The following CNTNAP2 variants were observed in gnomAD, a reference collection of about 807,000 sequenced individuals.
CNTNAP2 encodes contactin-associated protein-like 2.
CNTNAP2 carries 98 observed loss-of-function variants against 155.2 expected under a neutral mutation model. The ratio of observed to expected loss-of-function variants is 0.63; its 90% CI spans 0.54 to 0.75. The LOEUF (loss-of-function observed/expected upper bound fraction) is 0.75, where lower values mean the gene tolerates loss of function less well. Ranked by LOEUF, CNTNAP2 falls within the 30% of genes least tolerant of loss-of-function variation. The pLI, the probability that CNTNAP2 is intolerant of heterozygous loss-of-function variation, is 0.00. For missense variants in CNTNAP2, 1,727 were observed against 1,688.1 expected, an observed-to-expected ratio of 1.02 and a Z score of -0.40; for synonymous variants, 651 against 631.2, an observed-to-expected ratio of 1.03 and a Z score of -0.47.
At chr7:147,174,772 T>C (rs28593548) in intron 8 of CNTNAP2, among the ~76,000 whole-genome samples, 9,795 of 152,230 alleles carry the variant, frequency 0.064, 370 homozygotes, top group African/African-American at 0.088. Flanking sequence ...TGATAATTAA[T>C]ATTGTATTTT....
intron 1 of CNTNAP2, among the ~76,000 whole-genome samples, chr7:146,337,011 A>G (rs1322918834): frequency 6.6e-6 from 1 of 152,176 alleles, no homozygotes; most frequent in Non-Finnish European, 1.5e-5. Flanking sequence ...TACCTTACAC[A>G]TGTGATTAAC....
chr7:146,363,267 A>G (rs1036025563), intron 1 of CNTNAP2, among the ~76,000 whole-genome samples: 1 of 152,218 alleles, frequency 6.6e-6, no homozygotes, highest in East Asian at 1.9e-4. Flanking sequence ...CCAGGATTCA[A>G]GGCTGGGCAG....
chr7:146,685,372 CAG>C (rs1288967821), intron 1 of CNTNAP2, among the ~76,000 whole-genome samples: 7 of 152,114 alleles, frequency 4.6e-5, no homozygotes, highest in African/African-American at 1.7e-4. Context: ...ACATGCATCT[CAG>C]ATTACTGAAT....
intron 16 of CNTNAP2, among the ~76,000 whole-genome samples, chr7:148,140,845 GC>G (rs887509223): frequency 1.3e-5 from 2 of 152,218 alleles, no homozygotes; most frequent in African/African-American, 4.8e-5. Flanking sequence ...CATCCCAAGG[GC>G]TTAGATATTA....
intron 1 of CNTNAP2, among the ~76,000 whole-genome samples, chr7:146,744,227 C>CAAAAAAAAAAAA (rs60606492): frequency 2.1e-5 from 1 of 48,156 alleles, no homozygotes; most frequent in African/African-American, 7.1e-5. Flanking sequence ...CACTCTGTCT[C>CAAAAAAAAAAAA]AAAAAAAAAA....
At chr7:146,897,362 T>G (rs1243585353) in intron 3 of CNTNAP2, among the ~76,000 whole-genome samples, 2 of 152,106 alleles carry the variant, frequency 1.3e-5, no homozygotes, top group Non-Finnish European at 1.5e-5. Context: ...TTCTGGTGCT[T>G]TAGGAAAATC....
chr7:146,356,735 A>G (rs551590531), intron 1 of CNTNAP2, among the ~76,000 whole-genome samples: 1 of 152,310 alleles, frequency 6.6e-6, no homozygotes, highest in African/African-American at 2.4e-5. Flanking sequence ...GAAGTGGATC[A>G]TGGTTTCATG....
At chr7:146,740,846 G>A (rs1801699727) in intron 1 of CNTNAP2, among the ~76,000 whole-genome samples, 1 of 152,212 alleles carries the variant, frequency 6.6e-6, no homozygotes, top group Non-Finnish European at 1.5e-5. Context: ...CAAAGCCTGG[G>A]ACCACTGATG....
chr7:146,448,694 T>C (rs1232781004), intron 1 of CNTNAP2, among the ~76,000 whole-genome samples: 1 of 152,122 alleles, frequency 6.6e-6, no homozygotes, highest in East Asian at 1.9e-4. Context: ...CAAACTAGCA[T>C]AATAAATGGA....
intron 10 of CNTNAP2, among the ~76,000 whole-genome samples, chr7:147,405,119 TTAAAG>T (rs1434587233): frequency 1.3e-5 from 2 of 152,170 alleles, no homozygotes; most frequent in Admixed American, 6.5e-5. Context: ...GCTTAGTGCA[TTAAAG>T]TAATGTCAGA....
chr7:148,129,786 G>T (rs530636196), intron 16 of CNTNAP2, among the ~76,000 whole-genome samples: 4 of 152,268 alleles, frequency 2.6e-5, no homozygotes, highest in Admixed American at 1.3e-4. Flanking sequence ...TGAACAATTC[G>T]GCAAACCTGC....
At position 147,388,960 on chromosome 7, in the gene CNTNAP2, A is replaced by T. The variant is rs180946280; in HGVS notation, c.1499-6649A>T. On this transcript the variant is annotated intron_variant, in intron 9 of 23. Transcript: ENST00000361727. The stretch of plus-strand genomic sequence containing the variant: ...ATGTATTTACTTATTTGCCCAATCA[A>T]CCTGTACTGTAACCAATCTCCCAGC... Among the ~76,000 whole-genome samples, 5 of 152,204 alleles carry T rather than the reference A, an allele frequency of 3.3e-5. No individual in the cohort carries two copies. The East Asian group carries it at 9.7e-4, about 29-fold the overall frequency.
At chr7:147,855,039 CTT>C (rs1488545990) in intron 13 of CNTNAP2, among the ~76,000 whole-genome samples, 2 of 152,234 alleles carry the variant, frequency 1.3e-5, no homozygotes, top group Non-Finnish European at 2.9e-5. Flanking sequence ...CGAAAATTGA[CTT>C]TTAAAAATTC....
intron 1 of CNTNAP2, among the ~76,000 whole-genome samples, chr7:146,713,947 T>C (rs344477): frequency 0.05 from 7,572 of 152,192 alleles, 283 homozygotes; most frequent in African/African-American, 0.1. Flanking sequence ...ATATAAAAAG[T>C]AAGGTGGTTA....
chr7:147,082,382 C>A (rs1196535901), intron 4 of CNTNAP2, among the ~76,000 whole-genome samples: 1 of 152,128 alleles, frequency 6.6e-6, no homozygotes, highest in Non-Finnish European at 1.5e-5. Flanking sequence ...AGAACAGAGC[C>A]AAAATGGGCT....
At chr7:148,248,837 ACAG>A (rs1796319516) in intron 20 of CNTNAP2, among the ~76,000 whole-genome samples, 1 of 152,208 alleles carries the variant, frequency 6.6e-6, no homozygotes, top group South Asian at 2.1e-4. Context: ...CTCTAGGAAG[ACAG>A]CAGAATTCCA....
chr7:147,880,366 G>A (rs1399640110), intron 13 of CNTNAP2, among the ~76,000 whole-genome samples: 3 of 152,218 alleles, frequency 2.0e-5, no homozygotes. Flanking sequence ...ATGTAGATGA[G>A]ACAGTCATGA....
rs776205287 is a variant in CNTNAP2 at position 148,415,528 on chromosome 7, C to T, written c.3908C>T (p.Ser1303Leu). The change falls in exon 24 of 24, where the codon TCG becomes TTG. Residue 1303 changes from serine to leucine, a missense_variant. Transcript: ENST00000361727. ...ACCAACGAAGCAAAGGGGGCGGAGT[C>T]GGCAGAGAGCGCGGACGCCGCCATC... ...YHTNEAKGAE[S>L]AESADAAIMN... 5 of 1,614,200 alleles carry T rather than the reference C, an allele frequency of 3.1e-6. No homozygotes were observed. The highest frequency in any genetic ancestry group is 2.7e-5 in the African/African-American group (2 of 75,054).
chr7:146,466,066 A>C (rs1318612063), intron 1 of CNTNAP2, among the ~76,000 whole-genome samples: 1 of 152,162 alleles, frequency 6.6e-6, no homozygotes, highest in Non-Finnish European at 1.5e-5. Context: ...TACACCATAA[A>C]AGCTCGTTGG....
Sources: gnomAD v4.1 joint callset for allele counts (sites outside exome capture counted in the v4.1 genomes callset) on GRCh38, gnomAD v4.1.1 for gene constraint, MANE v1.5 for transcripts, NCBI Gene and HGNC (gene_info 2026-07-23, HGNC 2026-07-21) for gene names.